CCNT1: variants seen among roughly 807,000 people sequenced by gnomAD.
CCNT1 encodes the protein cyclin T1, also known as cyclin-T1.
In CCNT1, 18 loss-of-function variants were observed where a neutral mutation model predicts 67.3. The observed-to-expected ratio is 0.27, with a 90% CI of 0.18 to 0.40. The LOEUF is 0.40. Ranked by LOEUF, CCNT1 falls within the 10% of genes least tolerant of loss-of-function variation. The pLI is 1.00. For missense variants in CCNT1, 744 were observed against 884.9 expected, an observed-to-expected ratio of 0.84 and a Z score of 2.02; for synonymous variants, 333 against 310.3, an observed-to-expected ratio of 1.07 and a Z score of -0.77.
At chr12:48,695,970 T>C in intron 7 of CCNT1, 29 bp downstream of exon 7, 1 of 1,611,924 alleles carries the variant, frequency 6.2e-7, no homozygotes, top group African/African-American at 1.3e-5. Flanking sequence ...CAGCAAGTGC[T>C]TTTCAAGGTC....
intron 2 of CCNT1, among the ~76,000 whole-genome samples, chr12:48,707,941 A>G (rs1940388422): frequency 6.6e-6 from 1 of 151,822 alleles, no homozygotes; most frequent in Non-Finnish European, 1.5e-5. Flanking sequence ...ACCACCACTC[A>G]GGAGTCTTGT....
Position 48,689,484 on chromosome 12 carries a change from C to T in CCNT1, c.*3549G>A, listed in dbSNP as rs1031989859. The T allele has an allele frequency of 3.9e-5, 6 of 152,152 alleles. No homozygotes were observed. Among genetic ancestry groups the T allele is most frequent in the Admixed American group, 6.5e-5 (1 of 15,270 alleles). The allele number at this position is 152,152 out of a possible 1,614,324, so 9.4% of individuals were successfully genotyped here. A position where few individuals can be genotyped will look rare whatever the true frequency, so the allele number is the denominator to read the frequency against. ...TGTTAACAAGCAGCAACTCAAGAAA[C>T]TTGGGGAGGTATCAAAGTCACTGAA... On this transcript the variant is annotated 3_prime_UTR_variant, in exon 9 of 9. Coordinates refer to ENST00000261900, the MANE Select transcript of CCNT1 (RefSeq NM_001240.4).
intron 3 of CCNT1, among the ~76,000 whole-genome samples, chr12:48,703,283 A>C (rs1199483622): frequency 1.3e-5 from 2 of 152,074 alleles, no homozygotes; most frequent in African/African-American, 4.8e-5. Flanking sequence ...TCTCAAAAAA[A>C]ACAAAGCTGG....
chr12:48,693,553 A>G lies in CCNT1; in HGVS notation c.1661T>C (p.Leu554Ser). ...DPKHSSQTSN[L>S]AHKTYSLSSS... ...AGACAAGCTATAGGTTTTATGTGCTAAGTTGCTTGTCTGGCTACTATGTTT... is the reference window on the plus strand; with the variant it reads ...AGACAAGCTATAGGTTTTATGTGCTGAGTTGCTTGTCTGGCTACTATGTTT... The change falls in exon 9 of 9, where the codon TTA becomes TCA. Residue 554 changes from leucine to serine, a missense_variant. Leu to Ser is a moderately radical substitution (Grantham distance 145, BLOSUM62 -2). This residue lies in a region of CCNT1 where 564 missense variants were observed against 574.2 expected (regional missense o/e 0.98). Coordinates refer to ENST00000261900, the MANE Select transcript of CCNT1 (RefSeq NM_001240.4). 3.7e-6 allele frequency: 6 copies of G among 1,614,138 alleles called. No individual in the cohort carries two copies. The highest frequency in any genetic ancestry group is 5.1e-6 in the Non-Finnish European group (6 of 1,180,038).
chr12:48,697,588 A>G (rs1431760459), intron 6 of CCNT1, among the ~76,000 whole-genome samples: 7 of 146,362 alleles, frequency 4.8e-5, no homozygotes, highest in Non-Finnish European at 9.0e-5. Context: ...TGGGAGGCTG[A>G]GGTGGGCAGA....
intron 2 of CCNT1, among the ~76,000 whole-genome samples, chr12:48,713,200 C>CTT (rs11320347): frequency 1.4e-4 from 19 of 134,780 alleles, no homozygotes; most frequent in Admixed American, 7.5e-4. Context: ...TTTTTTTTAC[C>CTT]TTTTTTTTTT....
Position 48,689,977 on chromosome 12 carries a change from A to G in CCNT1, c.*3056T>C, listed in dbSNP as rs1940047273. The G allele has an allele frequency of 6.6e-6, 1 of 152,238 alleles. No homozygotes were observed. The highest frequency in any genetic ancestry group is 2.4e-5 in the African/African-American group (1 of 41,470). The allele number at this position is 152,238 out of a possible 1,614,324, so 9.4% of individuals were successfully genotyped here. A position where few individuals can be genotyped will look rare whatever the true frequency, so the allele number is the denominator to read the frequency against. Reference sequence around the variant, plus strand: ...AGTATACACTAAATCAAAACACTAAAATCATTTTTAAAAAGGAAGAAAAAA... The same window carrying G: ...AGTATACACTAAATCAAAACACTAAGATCATTTTTAAAAAGGAAGAAAAAA... On this transcript the variant is annotated 3_prime_UTR_variant, in exon 9 of 9. Coordinates refer to ENST00000261900, the MANE Select transcript of CCNT1 (RefSeq NM_001240.4).
chr12:48,715,427 C>A (rs540208801), intron 1 of CCNT1, among the ~76,000 whole-genome samples: 221 of 151,828 alleles, frequency 1.5e-3, no homozygotes, highest in African/African-American at 5.0e-3. Flanking sequence ...TCCTAACAAA[C>A]AAAAATATGT....
intron 6 of CCNT1, among the ~76,000 whole-genome samples, chr12:48,697,532 A>ATATATATATAT (rs1435532161): frequency 8.4e-6 from 1 of 119,196 alleles, no homozygotes; most frequent in African/African-American, 3.2e-5. Flanking sequence ...TAAAAAAAAA[A>ATATATATATAT]AAATATATAT....
rs1264645347 is a variant in CCNT1, at chr12:48,716,497, C to A, written c.161+18G>T. 2 of 1,605,430 alleles carry A rather than the reference C, an allele frequency of 1.2e-6. No individual in the cohort carries two copies. Among genetic ancestry groups the A allele is most frequent in the Admixed American group, 3.4e-5 (2 of 59,196 alleles). Reference sequence around the variant, plus strand: ...GCGGGACCAACTCCAAGGCCGAAGGCCTAGGCCACAAGGATACACGTTAAG... The same window carrying A: ...GCGGGACCAACTCCAAGGCCGAAGGACTAGGCCACAAGGATACACGTTAAG... On this transcript the variant is annotated intron_variant, in intron 1 of 8. Coordinates refer to ENST00000261900, the MANE Select transcript of CCNT1 (RefSeq NM_001240.4).
intron 3 of CCNT1, among the ~76,000 whole-genome samples, chr12:48,701,589 T>C (rs1940270064): frequency 6.6e-6 from 1 of 151,932 alleles, no homozygotes; most frequent in Admixed American, 6.6e-5. Context: ...AAATTAAAAG[T>C]ATGTATTTTT....
intron 2 of CCNT1, among the ~76,000 whole-genome samples, chr12:48,708,605 C>T (rs1940402409): frequency 6.6e-6 from 1 of 150,918 alleles, no homozygotes; most frequent in Admixed American, 6.6e-5. Flanking sequence ...AAAAAAGAAA[C>T]ACAGGCATCA....
intron 1 of CCNT1, among the ~76,000 whole-genome samples, chr12:48,715,209 G>A (rs754070309): frequency 7.9e-5 from 12 of 152,172 alleles, no homozygotes; most frequent in Non-Finnish European, 1.8e-4. Context: ...CATACTGACA[G>A]GATGCTTAGG....
Position 48,692,677 on chromosome 12 carries a change from A to G in CCNT1, c.*356T>C, listed in dbSNP as rs1185350987. ...ATATTAAACACCGAAAGGATCCACA[A>G]TTGTCTGATACAAGAAACCCTCCAT... On this transcript the variant is annotated 3_prime_UTR_variant, in exon 9 of 9. Transcript: ENST00000261900. 1.1e-5 allele frequency: 2 copies of G among 189,308 alleles called. No homozygotes were observed. The highest frequency in any genetic ancestry group is 4.7e-5 in the African/African-American group (2 of 42,606). 11.7% of individuals were successfully genotyped at this position (189,308 alleles called of 1,614,324 possible).
At chr12:48,695,039 G>A (rs1592118019) in intron 8 of CCNT1, among the ~76,000 whole-genome samples, 1 of 152,230 alleles carries the variant, frequency 6.6e-6, no homozygotes, top group African/African-American at 2.4e-5. Context: ...GGCCAGGCTG[G>A]TCTCGAACTC....
At chr12:48,708,785 G>A (rs938810968) in intron 2 of CCNT1, among the ~76,000 whole-genome samples, 3 of 151,970 alleles carry the variant, frequency 2.0e-5, no homozygotes, top group Non-Finnish European at 2.9e-5. Context: ...TAAGGAGAGG[G>A]AAAAAATGGT....
In CCNT1 at chr12:48,694,414, G is replaced by C. The variant is rs765823227; in HGVS notation, c.800C>G (p.Thr267Arg). The C allele has an allele frequency of 5.0e-6, 8 of 1,612,052 alleles. No individual in the cohort carries two copies. The Admixed American group carries it at 1.3e-4, about 27-fold the overall frequency. ...NWRACEAAKKTKADDRGTDEK... is the reference protein window; with the variant it reads ...NWRACEAAKKRKADDRGTDEK... The stretch of plus-strand genomic sequence containing the variant: ...ATCTGTTCCTCGGTCATCTGCTTTT[G>C]TTTTCTTGGCAGCCTCGCATGCCTG... Residue 267 changes from threonine (T) to arginine (R), a missense_variant, in exon 9 of 9, where the codon ACA becomes AGA. By Grantham distance (71) the Thr-to-Arg change is moderately conservative. This residue lies in a region of CCNT1 where 564 missense variants were observed against 574.2 expected (regional missense o/e 0.98). Coordinates refer to ENST00000261900, the MANE Select transcript of CCNT1 (RefSeq NM_001240.4).
chr12:48,707,745 G>C (rs1318379925), intron 2 of CCNT1, among the ~76,000 whole-genome samples: 1 of 149,010 alleles, frequency 6.7e-6, no homozygotes. Flanking sequence ...AAAACTAGGA[G>C]AAAAGGATGG....
At chr12:48,696,268 G>A (rs1191499143) in intron 6 of CCNT1, 106 bp from the exon 7 acceptor site, 58 of 588,428 alleles carry the variant, frequency 9.9e-5, no homozygotes, top group Middle Eastern at 4.8e-4. Flanking sequence ...AAAAAAAAAG[G>A]CTTAAAAATA....
Sources: gnomAD v4.1 joint callset for allele counts (sites outside exome capture counted in the v4.1 genomes callset) on GRCh38, gnomAD v4.1.1 for gene constraint, gnomAD v4.1.1 regional missense constraint, MANE v1.5 for transcripts, NCBI Gene and HGNC (gene_info 2026-07-23, HGNC 2026-07-21) for gene names.